The following ATXN3 variants were observed in gnomAD, a reference collection of about 807,000 sequenced individuals.
ATXN3 encodes ataxin 3.
A neutral mutation model predicts 58.2 loss-of-function variants in ATXN3; 28 were observed. The ratio of observed to expected loss-of-function variants is 0.48; its 90% CI spans 0.36 to 0.66. ATXN3 has a LOEUF of 0.66. Among genes scored for constraint, ATXN3 ranks in the 30% least tolerant of loss-of-function variants. The pLI, the probability that ATXN3 is intolerant of heterozygous loss-of-function variation, is 0.00. For synonymous variants in ATXN3, 113 were observed against 138.5 expected (o/e 0.82, Z 1.29); for missense variants, 321 against 422.1 (o/e 0.76, Z 2.10).
chr14:92,105,429 A>T (rs898426759), intron 1 of ATXN3, among the ~76,000 whole-genome samples: 2 of 152,104 alleles, frequency 1.3e-5, no homozygotes, highest in South Asian at 4.2e-4. Flanking sequence ...AATAAAAATT[A>T]AAAAAAATTT....
chr14:92,048,750 A>G (rs2057437849), intron 1 of ATXN3, among the ~76,000 whole-genome samples: 1 of 151,970 alleles, frequency 6.6e-6, no homozygotes, highest in South Asian at 2.1e-4. Context: ...AGGGTGGGGG[A>G]CCGGAGGCTG....
At chr14:92,069,711 GTTTTC>G (rs1341089957) in intron 10 of ATXN3, among the ~76,000 whole-genome samples, 1 of 152,046 alleles carries the variant, frequency 6.6e-6, no homozygotes. Context: ...GTGAACCTAA[GTTTTC>G]TTTTCTTTTG....
At chr14:92,073,063 T>A (rs953981195) in intron 9 of ATXN3, among the ~76,000 whole-genome samples, 2 of 152,242 alleles carry the variant, frequency 1.3e-5, no homozygotes, top group Non-Finnish European at 2.9e-5. Flanking sequence ...GACTGAGTTA[T>A]GGAGAATTCC....
At chr14:92,050,195 A>G (rs1248884096), upstream of ATXN3, 1 of 151,386 alleles carries the variant, frequency 6.6e-6, no homozygotes, top group Non-Finnish European at 1.5e-5. Context: ...GTATGTGTGT[A>G]TAATAGAGGT....
In ATXN3 at chr14:92,066,601, G is replaced by GGTTTTTTTTTTTTTTTTTTTTTTTTTTT. The variant is rs1566910261; in HGVS notation, c.992-2188_992-2187insAAAAAAAAAAAAAAAAAAAAAAAAAAAC. On this transcript the variant is annotated intron_variant, in intron 10 of 10. Coordinates refer to ENST00000644486, the MANE Select transcript of ATXN3 (RefSeq NM_004993.6). ...ACTCTGGGTTTAGAGTTTTTTTCTT[G>GGTTTTTTTTTTTTTTTTTTTTTTTTTTT]TTTTTTTTTTTTTTTTTTTTTTTTG... Among the ~76,000 whole-genome samples, 2 of 107,022 alleles carry GGTTTTTTTTTTTTTTTTTTTTTTTTTTT rather than the reference G, an allele frequency of 1.9e-5. 1 individual carries two copies. 70.2% of individuals were successfully genotyped at this position (107,022 alleles called of 152,430 possible). A position where few individuals can be genotyped will look rare whatever the true frequency, so the allele number is the denominator to read the frequency against.
chr14:92,072,759 A>AT (rs2059662678), intron 9 of ATXN3, among the ~76,000 whole-genome samples: 1 of 152,052 alleles, frequency 6.6e-6, no homozygotes, highest in South Asian at 2.1e-4. Flanking sequence ...AGTGTTTAAA[A>AT]AAAAAAGGTA....
chr14:92,097,886 G>A (rs955059990), intron 1 of ATXN3, among the ~76,000 whole-genome samples: 2 of 151,902 alleles, frequency 1.3e-5, no homozygotes, highest in Non-Finnish European at 2.9e-5. Context: ...AATTAACATA[G>A]GTACATGCAT....
rs557199259 is a variant in ATXN3 at position 92,082,014 on chromosome 14, C to T, written c.775+286G>A. Among the ~76,000 whole-genome samples the T allele has an allele frequency of 5.3e-5, 8 of 152,266 alleles. No individual in the cohort carries two copies. In the South Asian group the frequency reaches 1.7e-3, roughly 32 times the overall value. ...TGTAACAGCTGATTTGGATAAGGGT[C>T]AACTGATACCCACAAAGATTAAAAC... is the stretch of plus-strand genomic sequence containing the variant. On this transcript the variant is annotated intron_variant, in intron 8 of 10. Transcript: ENST00000644486.
chr14:92,092,096 T>G (rs1293448259), intron 5 of ATXN3, among the ~76,000 whole-genome samples: 1 of 140,006 alleles, frequency 7.1e-6, no homozygotes, highest in African/African-American at 2.7e-5. Context: ...CGTGCCTCTC[T>G]GTAACCCTCC....
intron 5 of ATXN3, chr14:92,090,499 C>T (rs572155598): frequency 2.0e-5 from 3 of 152,168 alleles, no homozygotes; most frequent in African/African-American, 4.8e-5. Flanking sequence ...AATATCATGA[C>T]CAACTACTTT....
chr14:92,072,232 T>C (rs2059572123), intron 9 of ATXN3, among the ~76,000 whole-genome samples: 3 of 152,192 alleles, frequency 2.0e-5, no homozygotes, highest in Admixed American at 2.0e-4. Context: ...TTAGAAAATA[T>C]ACACTGAACA....
chr14:92,078,558 T>G (rs951186097), intron 9 of ATXN3, among the ~76,000 whole-genome samples: 3 of 151,774 alleles, frequency 2.0e-5, no homozygotes, highest in African/African-American at 7.3e-5. Flanking sequence ...AGATGGGGTT[T>G]CTCCATGTTG....
At chr14:92,049,132 T>C (rs1003483699) in intron 1 of ATXN3, among the ~76,000 whole-genome samples, 2 of 152,182 alleles carry the variant, frequency 1.3e-5, no homozygotes, top group Non-Finnish European at 2.9e-5. Flanking sequence ...TTTTAGGTTT[T>C]AGGTCAGGTG....
At chr14:92,088,689 C>CT in intron 6 of ATXN3, 41 bp downstream of exon 6, 1 of 1,380,654 alleles carries the variant, frequency 7.2e-7, no homozygotes, top group South Asian at 1.2e-5. Flanking sequence ...TATTTAACTA[C>CT]TTCGAAAGGT....
chr14:92,089,332 C>CTTTTTTTTTTTTTTTTTT (rs1157498754), intron 5 of ATXN3, among the ~76,000 whole-genome samples: 1 of 60,738 alleles, frequency 1.6e-5, no homozygotes, highest in African/African-American at 7.4e-5. Flanking sequence ...GCTAAATACT[C>CTTTTTTTTTTTTTTTTTT]TTTTTTTTTT....
intron 8 of ATXN3, among the ~76,000 whole-genome samples, chr14:92,081,465 CAAAAAAAAAAAAA>C (rs58398762): frequency 6.0e-5 from 5 of 82,976 alleles, no homozygotes; most frequent in Non-Finnish European, 9.9e-5. Flanking sequence ...GACTCTGACT[CAAAAAAAAAAAAA>C]AAAAAAAAGA....
At chr14:92,092,691 T>C (rs1225305634) in intron 5 of ATXN3, among the ~76,000 whole-genome samples, 9 of 152,112 alleles carry the variant, frequency 5.9e-5, no homozygotes, top group Admixed American at 2.0e-4. Flanking sequence ...TATAGTTAAA[T>C]TGCATATACT....
At chr14:92,094,377 T>C (rs56220647) in intron 3 of ATXN3, among the ~76,000 whole-genome samples, 74 of 152,342 alleles carry the variant, frequency 4.9e-4, no homozygotes, top group African/African-American at 1.7e-3. Context: ...TAAATAAAAC[T>C]GCCTCAAAAA....
At chr14:92,104,883 T>A in intron 1 of ATXN3, among the ~76,000 whole-genome samples, 1 of 148,502 alleles carries the variant, frequency 6.7e-6, no homozygotes, top group East Asian at 2.0e-4. Context: ...GATGGCGCCA[T>A]TGCACTCCAG....
Sources: allele counts gnomAD v4.1 joint callset (sites outside exome capture counted in the v4.1 genomes callset), GRCh38; gene constraint gnomAD v4.1.1; transcripts MANE v1.5; gene names NCBI Gene and HGNC (gene_info 2026-07-23, HGNC 2026-07-21).